TRPC4: variants seen among roughly 807,000 people sequenced by gnomAD.
TRPC4 encodes the protein short transient receptor potential channel 4.
Under a neutral mutation model 99.4 loss-of-function variants are expected in TRPC4, and 49 were observed. The ratio of observed to expected loss-of-function variants is 0.49; its 90% CI spans 0.39 to 0.63. The LOEUF is 0.63. Ranked by LOEUF, TRPC4 falls within the 20% of genes least tolerant of loss-of-function variation. The pLI is 0.00. For missense variants in TRPC4, 898 were observed against 1,152.9 expected, an observed-to-expected ratio of 0.78 and a Z score of 3.20; for synonymous variants, 454 against 425.9, an observed-to-expected ratio of 1.07 and a Z score of -0.81.
chr13:37,758,912 A>T (rs1956158913), intron 2 of TRPC4, among the ~76,000 whole-genome samples: 1 of 151,666 alleles, frequency 6.6e-6, no homozygotes, highest in South Asian at 2.1e-4. Context: ...AATTATGTTG[A>T]TTTTTCTTAC....
chr13:37,674,619 A>G (rs1952982484), intron 4 of TRPC4, among the ~76,000 whole-genome samples: 1 of 152,198 alleles, frequency 6.6e-6, no homozygotes, highest in African/African-American at 2.4e-5. Context: ...ATTCATAAGG[A>G]TAAGTAGTTT....
At chr13:37,643,699 T>A (rs986778032) in intron 8 of TRPC4, among the ~76,000 whole-genome samples, 1 of 152,172 alleles carries the variant, frequency 6.6e-6, no homozygotes, top group Admixed American at 6.5e-5. Context: ...CGTGGACTCT[T>A]AATGTAGAAT....
At chr13:37,854,094 G>A (rs1959124785) in intron 1 of TRPC4, among the ~76,000 whole-genome samples, 1 of 152,044 alleles carries the variant, frequency 6.6e-6, no homozygotes, top group African/African-American at 2.4e-5. Flanking sequence ...ACACCTAGCA[G>A]ATTTAAGCCA....
chr13:37,860,468 A>C (rs945890173), intron 1 of TRPC4, among the ~76,000 whole-genome samples: 1 of 151,358 alleles, frequency 6.6e-6, no homozygotes, highest in South Asian at 2.1e-4. Context: ...ATAACCTGAA[A>C]TCTCCTTTCT....
At chr13:37,801,663 A>G (rs77543321) in intron 1 of TRPC4, among the ~76,000 whole-genome samples, 3,396 of 152,182 alleles carry the variant, frequency 0.022, 112 homozygotes, top group African/African-American at 0.078. Flanking sequence ...CTAAGTGGGT[A>G]TTACGAATTG....
At chr13:37,825,842 C>T (rs1383513871) in intron 1 of TRPC4, among the ~76,000 whole-genome samples, 1 of 151,720 alleles carries the variant, frequency 6.6e-6, no homozygotes, top group Admixed American at 6.6e-5. Context: ...GACTTTCTGT[C>T]TCATTGATCT....
chr13:37,660,754 G>A lies in TRPC4; in HGVS notation c.1688+2662C>T, dbSNP rs963977395. Among the ~76,000 whole-genome samples the A allele has an allele frequency of 2.6e-5, 4 of 152,110 alleles. No individual in the cohort carries two copies. The South Asian group carries it at 8.3e-4, about 32-fold the overall frequency. ...TATTTTTAACCTTCACATAGAATAA[G>A]GTCTCGGAAATAGTGGGCAGTAAAA... On this transcript the variant is annotated intron_variant, in intron 6 of 10. Coordinates refer to ENST00000379705, the MANE Select transcript of TRPC4 (RefSeq NM_016179.4).
intron 1 of TRPC4, among the ~76,000 whole-genome samples, chr13:37,843,702 A>ACG (rs1379159582): frequency 2.0e-5 from 3 of 147,458 alleles, no homozygotes; most frequent in South Asian, 2.2e-4. Flanking sequence ...ACACACACAC[A>ACG]CACGCACACA....
At position 37,655,089 on chromosome 13, in the gene TRPC4, G is replaced by A; in HGVS notation, c.1883C>T (p.Ala628Val). 1 of 1,522,464 alleles carries A rather than the reference G, an allele frequency of 6.6e-7. No homozygotes were observed. The highest frequency in any genetic ancestry group is 8.9e-7 in the Non-Finnish European group (1 of 1,128,168). The allele number at this position is 1,522,464 out of a possible 1,614,324, so 94.3% of individuals were successfully genotyped here. The change falls in exon 7 of 11, where the codon GCT becomes GTT. Residue 628 changes from alanine to valine, a missense_variant and splice_region_variant. Physicochemically the swap from Ala to Val is moderately conservative, Grantham distance 64. This residue lies in a region of TRPC4 where 274 missense variants were observed against 454.9 expected (regional missense o/e 0.60). Coordinates refer to ENST00000379705, the MANE Select transcript of TRPC4 (RefSeq NM_016179.4). ...AMMNNSYQLI[A>V]DHADIEWKFA... The stretch of plus-strand genomic sequence containing the variant: ...TTAAAATAAAGCTGGTCAACTTACA[G>A]CAATCAGTTGGTAAGAATTATTCAT...
intron 6 of TRPC4, 44 bp from the exon 7 acceptor site, chr13:37,655,327 T>A: frequency 8.5e-7 from 1 of 1,182,480 alleles, no homozygotes. Context: ...ATTAATGGAA[T>A]CATTATACAT....
At chr13:37,654,722 T>C (rs766900146) in intron 7 of TRPC4, among the ~76,000 whole-genome samples, 12 of 152,160 alleles carry the variant, frequency 7.9e-5, no homozygotes, top group Non-Finnish European at 1.5e-4. Flanking sequence ...TAGGGATGAC[T>C]TCGCTTATAT....
At chr13:37,864,264 C>T (rs1959591485) in intron 1 of TRPC4, among the ~76,000 whole-genome samples, 1 of 151,528 alleles carries the variant, frequency 6.6e-6, no homozygotes, top group East Asian at 1.9e-4. Context: ...TCTAACTACT[C>T]CTCTCATAGT....
intron 3 of TRPC4, among the ~76,000 whole-genome samples, chr13:37,713,359 A>T (rs929142714): frequency 2.0e-5 from 3 of 152,236 alleles, no homozygotes; most frequent in Admixed American, 2.0e-4. Flanking sequence ...GCATTAAACA[A>T]GTAATCCTGG....
chr13:37,727,652 A>G (rs1955107044), intron 3 of TRPC4, among the ~76,000 whole-genome samples: 2 of 152,078 alleles, frequency 1.3e-5, no homozygotes, highest in South Asian at 2.1e-4. Context: ...AAATTGACAA[A>G]CTTTCAGTGA....
At chr13:37,833,861 T>A (rs903432230) in intron 1 of TRPC4, among the ~76,000 whole-genome samples, 2 of 152,210 alleles carry the variant, frequency 1.3e-5, no homozygotes, top group African/African-American at 2.4e-5. Flanking sequence ...ATATAGTTTT[T>A]AAATTTTTTT....
intron 3 of TRPC4, among the ~76,000 whole-genome samples, chr13:37,701,852 A>G (rs1194788102): frequency 6.6e-6 from 1 of 152,210 alleles, no homozygotes; most frequent in Non-Finnish European, 1.5e-5. Context: ...CTATATCTCC[A>G]TATGGTATTG....
In TRPC4 at chr13:37,633,126, G is replaced by A. The variant is rs1951429071; in HGVS notation, c.*3777C>T. Among the ~76,000 whole-genome samples, 1 of 152,066 alleles carries A rather than the reference G, an allele frequency of 6.6e-6. No individual in the cohort carries two copies. Among genetic ancestry groups the A allele is most frequent in the Non-Finnish European group, 1.5e-5 (1 of 68,018 alleles). Reference sequence around the variant, plus strand: ...GATTCTAAAATTCAAATTAAAAAAGGCATGTGATAACACTGTATAAATAAA... The same window carrying A: ...GATTCTAAAATTCAAATTAAAAAAGACATGTGATAACACTGTATAAATAAA... On this transcript the variant is annotated 3_prime_UTR_variant, in exon 11 of 11. Transcript: ENST00000379705.
chr13:37,741,196 A>G (rs1215122163), intron 3 of TRPC4, among the ~76,000 whole-genome samples: 2 of 152,180 alleles, frequency 1.3e-5, no homozygotes, highest in Non-Finnish European at 2.9e-5. Context: ...AAACTACGGA[A>G]GGTCTTTGCT....
intron 4 of TRPC4, among the ~76,000 whole-genome samples, chr13:37,686,493 C>T (rs1057046322): frequency 3.3e-5 from 5 of 151,894 alleles, no homozygotes; most frequent in Non-Finnish European, 5.9e-5. Context: ...TTATTTGACT[C>T]TATGAATATT....
Sources: allele counts gnomAD v4.1 joint callset (sites outside exome capture counted in the v4.1 genomes callset), GRCh38; gene constraint gnomAD v4.1.1; regional missense constraint gnomAD v4.1.1; transcripts MANE v1.5; gene names NCBI Gene and HGNC (gene_info 2026-07-23, HGNC 2026-07-21).